The following PHACTR1 variants were observed in gnomAD, a reference collection of about 807,000 sequenced individuals.
The protein encoded by PHACTR1 is RPEL repeat containing 1.
A neutral mutation model predicts 69.2 loss-of-function variants in PHACTR1; 16 were observed. That is an observed-to-expected ratio of 0.23 (90% CI 0.16 to 0.35). The LOEUF is 0.35. Ranked by LOEUF, PHACTR1 falls within the 10% of genes least tolerant of loss-of-function variation. PHACTR1 has a pLI of 1.00. For missense variants in PHACTR1, 510 were observed against 734.7 expected, an observed-to-expected ratio of 0.69 and a Z score of 3.54; for synonymous variants, 312 against 284.5, an observed-to-expected ratio of 1.10 and a Z score of -0.97.
At chr6:13,269,831 T>C (rs902752180) in intron 10 of PHACTR1, among the ~76,000 whole-genome samples, 2 of 151,998 alleles carry the variant, frequency 1.3e-5, no homozygotes, top group African/African-American at 4.8e-5. Context: ...CTAAACTCTG[T>C]CTCAAAAAAA....
chr6:12,724,223 A>T (rs1263138965), intron 3 of PHACTR1, among the ~76,000 whole-genome samples: 1 of 152,190 alleles, frequency 6.6e-6, no homozygotes, highest in African/African-American at 2.4e-5. Flanking sequence ...GCTACTCAGG[A>T]GACTGAGGCA....
chr6:13,261,689 T>G (rs1775930299), intron 10 of PHACTR1, among the ~76,000 whole-genome samples: 1 of 152,012 alleles, frequency 6.6e-6, no homozygotes, highest in Non-Finnish European at 1.5e-5. Flanking sequence ...GGACAGGCAA[T>G]AAAAGAAAGT....
chr6:12,922,861 G>A (rs1787870629), intron 4 of PHACTR1, among the ~76,000 whole-genome samples: 1 of 152,164 alleles, frequency 6.6e-6, no homozygotes, highest in African/African-American at 2.4e-5. Context: ...TGCCTTTGGA[G>A]TCAGGGTACA....
intron 5 of PHACTR1, among the ~76,000 whole-genome samples, chr6:13,109,130 A>G (rs903619113): frequency 2.6e-5 from 4 of 152,040 alleles, no homozygotes; most frequent in African/African-American, 9.7e-5. Context: ...GTGGAAATGC[A>G]CTTTATTTCA....
chr6:12,777,221 T>TTATA (rs777055650), intron 4 of PHACTR1, among the ~76,000 whole-genome samples: 4 of 143,784 alleles, frequency 2.8e-5, no homozygotes, highest in African/African-American at 1.0e-4. Context: ...GACTACGGTT[T>TTATA]TATATATATA....
chr6:12,929,481 C>A (rs138725448), intron 4 of PHACTR1, among the ~76,000 whole-genome samples: 1 of 152,186 alleles, frequency 6.6e-6, no homozygotes. Flanking sequence ...GAGAGAGGAA[C>A]TATAAGCTCT....
intron 5 of PHACTR1, among the ~76,000 whole-genome samples, chr6:13,115,723 G>A (rs904017019): frequency 6.6e-6 from 1 of 152,170 alleles, no homozygotes; most frequent in Non-Finnish European, 1.5e-5. Context: ...AGGGCTTGGG[G>A]CAGATAATGG....
At chr6:12,831,829 GAC>G (rs776919479) in intron 4 of PHACTR1, among the ~76,000 whole-genome samples, 36 of 152,174 alleles carry the variant, frequency 2.4e-4, no homozygotes, top group Non-Finnish European at 4.1e-4. Context: ...GGTCTTTTCA[GAC>G]ACACACACAA....
intron 4 of PHACTR1, among the ~76,000 whole-genome samples, chr6:12,799,913 A>T (rs1049678463): frequency 4.6e-5 from 7 of 152,242 alleles, no homozygotes; most frequent in Non-Finnish European, 8.8e-5. Flanking sequence ...AACTAACGCT[A>T]TAGCATGTTA....
chr6:13,063,882 G>T (rs1234822248), intron 5 of PHACTR1, among the ~76,000 whole-genome samples: 2 of 152,144 alleles, frequency 1.3e-5, no homozygotes, highest in African/African-American at 4.8e-5. Flanking sequence ...CTCATGAAGG[G>T]TCTTATGAGG....
Position 13,251,169 on chromosome 6 carries a change from C to T in PHACTR1, c.1391+20976C>T, listed in dbSNP as rs577719458. ...CCTGTCTGCTGTGGGTAGGATTCTG[C>T]CTGCCAGGCACACTCAGCCTCCCAG... On this transcript the variant is annotated intron_variant, in intron 10 of 14. Transcript: ENST00000332995. Among the ~76,000 whole-genome samples the T allele has an allele frequency of 3.3e-5, 5 of 152,290 alleles. 1 individual carries two copies. The South Asian group carries it at 1.0e-3, about 32-fold the overall frequency.
chr6:12,939,550 G>A (rs1176383991), intron 4 of PHACTR1, among the ~76,000 whole-genome samples: 1 of 152,164 alleles, frequency 6.6e-6, no homozygotes, highest in East Asian at 1.9e-4. Flanking sequence ...TAAGGCTGAC[G>A]CATAGCTCAT....
At chr6:13,068,275 C>A (rs529167445) in intron 5 of PHACTR1, among the ~76,000 whole-genome samples, 4 of 152,280 alleles carry the variant, frequency 2.6e-5, no homozygotes, top group African/African-American at 7.2e-5. Context: ...TAAGATGGCA[C>A]CACTGCACTC....
chr6:13,015,915 T>G (rs1800112873), intron 4 of PHACTR1, among the ~76,000 whole-genome samples: 1 of 152,226 alleles, frequency 6.6e-6, no homozygotes, highest in African/African-American at 2.4e-5. Context: ...AATGTTATAG[T>G]GCCTAATTTT....
intron 12 of PHACTR1, chr6:13,279,563 T>C (rs1779702792): frequency 6.6e-6 from 1 of 152,220 alleles, no homozygotes; most frequent in Non-Finnish European, 1.5e-5. Flanking sequence ...TGGTTTGTAT[T>C]TCTCCACACT....
At chr6:12,936,114 A>C (rs1314003708) in intron 4 of PHACTR1, among the ~76,000 whole-genome samples, 14 of 152,040 alleles carry the variant, frequency 9.2e-5, no homozygotes, top group Admixed American at 9.2e-4. Context: ...ACAAACAATG[A>C]GTGTTGATAT....
At chr6:13,286,887 C>T (rs894530071) in intron 14 of PHACTR1, among the ~76,000 whole-genome samples, 176 bp from the exon 15 acceptor site, 3 of 152,146 alleles carry the variant, frequency 2.0e-5, no homozygotes, top group Non-Finnish European at 4.4e-5. Context: ...CAGGGCTGCC[C>T]CAGATGAAAC....
At chr6:12,998,507 C>T (rs1797691517) in intron 4 of PHACTR1, among the ~76,000 whole-genome samples, 5 of 151,268 alleles carry the variant, frequency 3.3e-5, no homozygotes, top group Admixed American at 2.6e-4. Flanking sequence ...TCCCCACTTA[C>T]TCAAGAGGCT....
At chr6:13,133,976 G>C (rs1407374403) in intron 5 of PHACTR1, among the ~76,000 whole-genome samples, 1 of 151,420 alleles carries the variant, frequency 6.6e-6, no homozygotes, top group East Asian at 2.0e-4. Context: ...GAGCGCCTCT[G>C]CCCGGCCGCG....
Sources: allele counts gnomAD v4.1 joint callset (sites outside exome capture counted in the v4.1 genomes callset), GRCh38; gene constraint gnomAD v4.1.1; transcripts MANE v1.5; gene names NCBI Gene and HGNC (gene_info 2026-07-23, HGNC 2026-07-21).